The following MGST1 variants were observed in gnomAD, a reference collection of about 807,000 sequenced individuals.
MGST1 encodes microsomal glutathione S-transferase 1.
Under a neutral mutation model 8.9 loss-of-function variants are expected in MGST1, and 5 were observed. The observed-to-expected ratio is 0.56, with a 90% CI of 0.29 to 1.19. MGST1 has a LOEUF of 1.19. MGST1 is among the 50% of genes most tolerant of loss of function. The pLI is 0.08. For missense variants in MGST1, 182 were observed against 187.4 expected (o/e 0.97, Z 0.17); for synonymous variants, 54 against 67.8 (o/e 0.80, Z 1.00).
intron 3 of MGST1, 86 bp downstream of exon 3, chr12:16,357,785 C>A: frequency 9.4e-7 from 1 of 1,067,940 alleles, no homozygotes; most frequent in Non-Finnish European, 1.4e-6. Flanking sequence ...GTCTTGGAGA[C>A]TGAGGAAAAA....
At chr12:16,417,560 G>A (rs1413389962) in intron 1 of MGST1, among the ~76,000 whole-genome samples, 10 of 152,120 alleles carry the variant, frequency 6.6e-5, no homozygotes, top group Non-Finnish European at 1.5e-4. Context: ...CCCTGCCAAT[G>A]GAGAGTAGCA....
At chr12:16,405,467 A>G (rs1284158501) in intron 1 of MGST1, among the ~76,000 whole-genome samples, 1 of 152,172 alleles carries the variant, frequency 6.6e-6, no homozygotes, top group Non-Finnish European at 1.5e-5. Context: ...AAGGATTCAT[A>G]GCTAAATTCT....
chr12:16,551,354 TGG>T, intron 4 of MGST1: 1 of 1,323,904 alleles, frequency 7.6e-7, no homozygotes, highest in Non-Finnish European at 1.1e-6. Context: ...CAATAAAATG[TGG>T]TTAAGACCAT....
At chr12:16,492,162 G>A (rs975171293) in intron 4 of MGST1, among the ~76,000 whole-genome samples, 5 of 152,150 alleles carry the variant, frequency 3.3e-5, no homozygotes, top group African/African-American at 4.8e-5. Context: ...ATTCAAATTA[G>A]ATTTCTCACC....
At chr12:16,487,181 A>T (rs1044635029) in intron 4 of MGST1, among the ~76,000 whole-genome samples, 1 of 152,148 alleles carries the variant, frequency 6.6e-6, no homozygotes, top group Non-Finnish European at 1.5e-5. Flanking sequence ...CCAGAATAAC[A>T]TTTGTGTGTC....
chr12:16,475,541 C>A (rs1385298289), intron 4 of MGST1, among the ~76,000 whole-genome samples: 1 of 152,094 alleles, frequency 6.6e-6, no homozygotes, highest in East Asian at 1.9e-4. Context: ...TCCAGTTAGC[C>A]AAGAAGCTAG....
At chr12:16,424,095 A>T (rs1940864859) in intron 1 of MGST1, among the ~76,000 whole-genome samples, 1 of 152,248 alleles carries the variant, frequency 6.6e-6, no homozygotes, top group African/African-American at 2.4e-5. Context: ...GTGGAGAGCT[A>T]GAATCATGGT....
At chr12:16,353,439 A>C (rs2136931538) in intron 1 of MGST1, 1 of 152,308 alleles carries the variant, frequency 6.6e-6, no homozygotes, top group South Asian at 2.1e-4. Flanking sequence ...TAAAGCCTAC[A>C]GTTTTGAATA....
intron 4 of MGST1, among the ~76,000 whole-genome samples, chr12:16,531,156 CAAAAAAAAAAAAAAA>C (rs5796677): frequency 4.3e-5 from 2 of 46,518 alleles, no homozygotes; most frequent in Admixed American, 6.5e-4. Context: ...TACCCCTGAC[CAAAAAAAAAAAAAAA>C]AAAAAAAAAA....
chr12:16,581,134 T>G (rs1465223651), intron 4 of MGST1, among the ~76,000 whole-genome samples: 1 of 152,190 alleles, frequency 6.6e-6, no homozygotes, highest in African/African-American at 2.4e-5. Context: ...GTGCTTGAGT[T>G]TGAATGATTG....
chr12:16,571,657 A>T (rs1179478541), intron 4 of MGST1, among the ~76,000 whole-genome samples: 2 of 152,018 alleles, frequency 1.3e-5, no homozygotes, highest in African/African-American at 4.8e-5. Flanking sequence ...TGAGAACTCA[A>T]AGGTTTCACA....
At chr12:16,488,648 T>C (rs1023715440) in intron 4 of MGST1, among the ~76,000 whole-genome samples, 1 of 152,118 alleles carries the variant, frequency 6.6e-6, no homozygotes, top group African/African-American at 2.4e-5. Flanking sequence ...TACAAGTGAT[T>C]AATGTAATTA....
At position 16,369,669 on chromosome 12, in the gene MGST1, T is replaced by G. The variant is rs1303307005; in HGVS notation, c.222-6453T>G. ...CTGCTTTTGTGTCACAATGGCAGAGTGGCGTAGTTGAATTGTTGCAGTGGA... is the reference window on the plus strand; with the variant it reads ...CTGCTTTTGTGTCACAATGGCAGAGGGGCGTAGTTGAATTGTTGCAGTGGA... On this transcript the variant is annotated intron_variant, in intron 3 of 3. Transcript: ENST00000535309. The surrounding 1 kb of genome is among the most constrained non-coding windows in gnomAD (Gnocchi z 4.8). 2 of 152,120 alleles carry G rather than the reference T, an allele frequency of 1.3e-5. No individual in the cohort carries two copies. Among genetic ancestry groups the G allele is most frequent in the Non-Finnish European group, 2.9e-5 (2 of 68,016 alleles). The allele number at this position is 152,120 out of a possible 1,614,324, so 9.4% of individuals were successfully genotyped here.
At chr12:16,525,143 A>G (rs1004601183) in intron 4 of MGST1, among the ~76,000 whole-genome samples, 9 of 151,674 alleles carry the variant, frequency 5.9e-5, no homozygotes, top group Non-Finnish European at 1.3e-4. Context: ...ACTTACCTTG[A>G]GATAATTTTT....
chr12:16,496,139 G>C (rs893536010), intron 4 of MGST1, among the ~76,000 whole-genome samples: 2 of 152,046 alleles, frequency 1.3e-5, no homozygotes, highest in Admixed American at 6.6e-5. Flanking sequence ...CAGCAATTCT[G>C]CTCCTAGGCA....
At chr12:16,531,049 G>A (rs994840395) in intron 4 of MGST1, among the ~76,000 whole-genome samples, 10 of 150,218 alleles carry the variant, frequency 6.7e-5, no homozygotes, top group Middle Eastern at 3.5e-3. Flanking sequence ...TTGGGAAAGA[G>A]AGGGAGAGAA....
At chr12:16,493,418 A>G (rs973126521) in intron 4 of MGST1, among the ~76,000 whole-genome samples, 3 of 152,094 alleles carry the variant, frequency 2.0e-5, no homozygotes, top group African/African-American at 7.2e-5. Context: ...CCTATCCCAT[A>G]CTTTATAAAT....
intron 4 of MGST1, among the ~76,000 whole-genome samples, chr12:16,523,661 T>C (rs1941663375): frequency 6.6e-6 from 1 of 152,112 alleles, no homozygotes; most frequent in Non-Finnish European, 1.5e-5. Flanking sequence ...GACTATCCAT[T>C]CTTTGAGGCT....
chr12:16,567,225 CA>C (rs1942649803), intron 4 of MGST1, among the ~76,000 whole-genome samples: 1 of 143,884 alleles, frequency 7.0e-6, no homozygotes, highest in African/African-American at 2.6e-5. Context: ...AACAAACAAA[CA>C]AAAAACTACA....
Sources: gnomAD v4.1 joint callset for allele counts (sites outside exome capture counted in the v4.1 genomes callset) on GRCh38, gnomAD v4.1.1 for gene constraint, Gnocchi (gnomAD v3.1) non-coding constraint, MANE v1.5 for transcripts, NCBI Gene and HGNC (gene_info 2026-07-23, HGNC 2026-07-21) for gene names.